Variants in ENC1 observed in about 807,000 individuals in gnomAD.
The protein encoded by ENC1 is ectoderm-neural cortex protein 1.
Under a neutral mutation model 40.9 loss-of-function variants are expected in ENC1, and 19 were observed. That is an observed-to-expected ratio of 0.46 (90% CI 0.32 to 0.68). ENC1 has a LOEUF of 0.68. Among genes scored for constraint, ENC1 ranks in the 30% least tolerant of loss-of-function variants. The pLI, the probability that ENC1 is intolerant of heterozygous loss-of-function variation, is 0.03. For missense variants in ENC1, 479 were observed against 737.5 expected, an observed-to-expected ratio of 0.65 and a Z score of 4.06; for synonymous variants, 285 against 291.1, an observed-to-expected ratio of 0.98 and a Z score of 0.21.
rs1747262917 is a variant in ENC1 at position 74,628,082 on chromosome 5, C to T, written c.*1943G>A. On this transcript the variant is annotated 3_prime_UTR_variant, in exon 3 of 3. Transcript: ENST00000302351. The stretch of plus-strand genomic sequence containing the variant: ...TGTAACTGCTACAATATAAACGACA[C>T]TGACTATGCCCACTGGGGGACAATT... 1 of 152,552 alleles carries T rather than the reference C, an allele frequency of 6.6e-6. No homozygotes were observed. The highest frequency in any genetic ancestry group is 2.4e-5 in the African/African-American group (1 of 41,456). The allele number at this position is 152,552 out of a possible 1,614,324, so 9.4% of individuals were successfully genotyped here.
rs1477447247 is a variant in ENC1 at position 74,628,848 on chromosome 5, G to A, written c.*1177C>T. On this transcript the variant is annotated 3_prime_UTR_variant, in exon 3 of 3. Coordinates refer to ENST00000302351, the MANE Select transcript of ENC1 (RefSeq NM_003633.4). ...GTAATAAATAAATAAATAAACTTTG[G>A]ACAATGCCTTTACTTGTGCCCTATA... The A allele has an allele frequency of 6.6e-6, 1 of 152,060 alleles. No homozygotes were observed. Among genetic ancestry groups the A allele is most frequent in the East Asian group, 1.9e-4 (1 of 5,194 alleles). 9.4% of individuals were successfully genotyped at this position (152,060 alleles called of 1,614,324 possible). A position where few individuals can be genotyped will look rare whatever the true frequency, so the allele number is the denominator to read the frequency against.
At chr5:74,632,750 C>G (rs1232619839) in intron 2 of ENC1, among the ~76,000 whole-genome samples, 1 of 152,174 alleles carries the variant, frequency 6.6e-6, no homozygotes, top group Non-Finnish European at 1.5e-5. Context: ...ACTTGGAAGG[C>G]TGAGGCAGGA....
Position 74,629,037 on chromosome 5 carries a change from A to G in ENC1, c.*988T>C, listed in dbSNP as rs973725150. The G allele has an allele frequency of 6.6e-6, 1 of 152,214 alleles. No homozygotes were observed. Among genetic ancestry groups the G allele is most frequent in the East Asian group, 1.9e-4 (1 of 5,190 alleles). 9.4% of individuals were successfully genotyped at this position (152,214 alleles called of 1,614,324 possible). On this transcript the variant is annotated 3_prime_UTR_variant, in exon 3 of 3. Transcript: ENST00000302351. ...GAAAGCAGCCTCCCCTTACCCTATCAGCACAACCAAACCCCATGAAATCCC... is the reference window on the plus strand; with the variant it reads ...GAAAGCAGCCTCCCCTTACCCTATCGGCACAACCAAACCCCATGAAATCCC...
In ENC1 at chr5:74,636,334, T is replaced by G. The variant is rs1747593211; in HGVS notation, c.152A>C (p.His51Pro). Residue 51 changes from histidine to proline, a missense_variant, in exon 2 of 3, where the codon CAT (histidine) becomes CCT (proline). By Grantham distance (77) the His-to-Pro change is moderately conservative (BLOSUM62 -2). Transcript: ENST00000302351. This position sits in a 1 kb window ranked among gnomAD's most constrained non-coding sequence, Gnocchi z 4.8. ...GCAAGGGAAGGTCCTATTTCCGGCA[T>G]GGAGAAGGACGTCAGTGAAGAGACG... Reference protein sequence around the residue: ...QQRLFTDVLLHAGNRTFPCHR... With the variant: ...QQRLFTDVLLPAGNRTFPCHR... 6.2e-7 allele frequency: 1 copy of G among 1,614,032 alleles called. No homozygotes were observed.
At chr5:74,632,591 C>T (rs1561191218) in intron 2 of ENC1, among the ~76,000 whole-genome samples, 2 of 152,182 alleles carry the variant, frequency 1.3e-5, no homozygotes, top group African/African-American at 4.8e-5. Flanking sequence ...CGGTGGCTCA[C>T]GCCTGTAATC....
rs1163104480 is a variant in ENC1 at position 74,636,536 on chromosome 5, C to T, written c.-13-38G>A. ...ATAATAATAAATTGAAAATGATGCT[C>T]CTGATGTTCAGAACAGCAGAACGAA... On this transcript the variant is annotated intron_variant, in intron 1 of 2. Coordinates refer to ENST00000302351, the MANE Select transcript of ENC1 (RefSeq NM_003633.4). This position sits in a 1 kb window ranked among gnomAD's most constrained non-coding sequence, Gnocchi z 4.8. 8 of 1,192,292 alleles carry T rather than the reference C, an allele frequency of 6.7e-6. No homozygotes were observed. Among genetic ancestry groups the T allele is most frequent in the African/African-American group, 3.1e-5 (2 of 64,814 alleles). The allele number at this position is 1,192,292 out of a possible 1,614,324, so 73.9% of individuals were successfully genotyped here.
At position 74,638,152 on chromosome 5, in the gene ENC1, C is replaced by T. The variant is rs150263197; in HGVS notation, c.-13-1654G>A. On this transcript the variant is annotated intron_variant, in intron 1 of 2. Coordinates refer to ENST00000302351, the MANE Select transcript of ENC1 (RefSeq NM_003633.4). ...GTTCCAGACACATAACAGCCAGTCCCAAAAGCGCAGCTGAAACTCTGTTTC... is the reference window on the plus strand; with the variant it reads ...GTTCCAGACACATAACAGCCAGTCCTAAAAGCGCAGCTGAAACTCTGTTTC... 2.8e-4 allele frequency among the ~76,000 whole-genome samples: 43 copies of T among 152,304 alleles called. No individual in the cohort carries two copies. In the East Asian group the frequency reaches 8.1e-3, roughly 29 times the overall value.
chr5:74,635,552 G>A lies in ENC1; in HGVS notation c.934C>T (p.Leu312=). Residue 312 remains leucine (L), a synonymous_variant, in exon 2 of 3, where the codon CTG becomes TTG. Transcript: ENST00000302351. The surrounding 1 kb of genome is among the most constrained non-coding windows in gnomAD (Gnocchi z 5.5). ...GQTFMCDKLY[L]VDQKAKEIIP... is the part of the protein sequence containing the mutation. ...ATTTCTTTGGCCTTCTGGTCTACCA[G>A]ATACAACTTGTCACACATGAAAGTC... 1 of 1,614,204 alleles carries A rather than the reference G, an allele frequency of 6.2e-7. No individual in the cohort carries two copies. The highest frequency in any genetic ancestry group is 8.5e-7 in the Non-Finnish European group (1 of 1,180,038).
chr5:74,630,585 C>T (rs1747358407), intron 2 of ENC1, among the ~76,000 whole-genome samples: 1 of 152,158 alleles, frequency 6.6e-6, no homozygotes, highest in South Asian at 2.1e-4. Context: ...ATGTATCAGG[C>T]CTCAACAGCC....
At chr5:74,637,674 G>A (rs1436450386) in intron 1 of ENC1, 1 of 152,148 alleles carries the variant, frequency 6.6e-6, no homozygotes, top group South Asian at 2.1e-4. Context: ...CACTAGGACT[G>A]TTCCTGTATA....
chr5:74,631,471 T>C (rs1747391148), intron 2 of ENC1, among the ~76,000 whole-genome samples: 1 of 152,158 alleles, frequency 6.6e-6, no homozygotes, highest in African/African-American at 2.4e-5. Flanking sequence ...CCCAGCACTT[T>C]AAGGCACTCC....
chr5:74,627,672 G>A lies in ENC1; in HGVS notation c.*2353C>T, dbSNP rs910640479. The A allele has an allele frequency of 3.3e-5, 5 of 152,596 alleles. No individual in the cohort carries two copies. The highest frequency in any genetic ancestry group is 2.6e-4 in the Admixed American group (4 of 15,278). 9.5% of individuals were successfully genotyped at this position (152,596 alleles called of 1,614,324 possible). A position where few individuals can be genotyped will look rare whatever the true frequency, so the allele number is the denominator to read the frequency against. On this transcript the variant is annotated 3_prime_UTR_variant, in exon 3 of 3. Coordinates refer to ENST00000302351, the MANE Select transcript of ENC1 (RefSeq NM_003633.4). The stretch of plus-strand genomic sequence containing the variant: ...GGGGCTACACAATTATACCAGAAGT[G>A]GAGGGCTGCCCTTTGTTATGTGTTT...
In ENC1 at chr5:74,634,724, G is replaced by A. The variant is rs763328707; in HGVS notation, c.1762C>T (p.Pro588Ser). The change falls in exon 2 of 3, where the codon CCT becomes TCT. Residue 588 changes from proline (P) to serine (S), a missense_variant. Physicochemically the swap from Pro to Ser is moderately conservative, Grantham distance 74. Transcript: ENST00000302351. ...TTTAGAATGTACTGCATTTAAGAAG[G>A]CAGATGTTTCCAGGTGCTGACAAAT... Reference protein sequence around the residue: ...TAFVSTWKHLPS With the variant: ...TAFVSTWKHLSS The A allele has an allele frequency of 8.1e-6, 13 of 1,605,128 alleles. No homozygotes were observed. Among genetic ancestry groups the A allele is most frequent in the Non-Finnish European group, 8.5e-7 (1 of 1,172,294 alleles).
chr5:74,635,476 G>A lies in ENC1; in HGVS notation c.1010C>T (p.Ala337Val), dbSNP rs778976207. Residue 337 changes from alanine (A) to valine (V), a missense_variant, in exon 2 of 3, where the codon GCG becomes GTG. Transcript: ENST00000302351. This position sits in a 1 kb window ranked among gnomAD's most constrained non-coding sequence, Gnocchi z 5.5. ...AGTAATGTACACTTTGCAGCCAATC[G>A]CACATGCACTAAACTCTTTTCTTGG... ...PSPRKEFSAC[A>V]IGCKVYITGG... 13 of 1,614,010 alleles carry A rather than the reference G, an allele frequency of 8.1e-6. No individual in the cohort carries two copies. The highest frequency in any genetic ancestry group is 3.3e-5 in the Admixed American group (2 of 60,000).
chr5:74,631,060 T>C (rs1449293093), intron 2 of ENC1, among the ~76,000 whole-genome samples: 1 of 151,870 alleles, frequency 6.6e-6, no homozygotes, highest in East Asian at 1.9e-4. Context: ...AAAGAATGTA[T>C]CTTATAATAA....
Position 74,629,123 on chromosome 5 carries a change from A to C in ENC1, c.*902T>G, listed in dbSNP as rs1466748870. The C allele has an allele frequency of 6.6e-6, 1 of 152,188 alleles. No individual in the cohort carries two copies. Among genetic ancestry groups the C allele is most frequent in the Non-Finnish European group, 1.5e-5 (1 of 68,038 alleles). 9.4% of individuals were successfully genotyped at this position (152,188 alleles called of 1,614,324 possible). A position where few individuals can be genotyped will look rare whatever the true frequency, so the allele number is the denominator to read the frequency against. On this transcript the variant is annotated 3_prime_UTR_variant, in exon 3 of 3. Coordinates refer to ENST00000302351, the MANE Select transcript of ENC1 (RefSeq NM_003633.4). ...ACGGTTTCTCTACCTCTAGGATGTCATTTAAATTTCCATTTTGTCATCCTT... is the reference window on the plus strand; with the variant it reads ...ACGGTTTCTCTACCTCTAGGATGTCCTTTAAATTTCCATTTTGTCATCCTT...
Position 74,634,802 on chromosome 5 carries a change from A to ATGTTGGATCGTAGCAGTCCAAAG in ENC1, c.1661_1683dup (p.Asp563TrpfsTer8). 1 of 1,614,102 alleles carries ATGTTGGATCGTAGCAGTCCAAAG rather than the reference A, an allele frequency of 6.2e-7. No individual in the cohort carries two copies. Among genetic ancestry groups the ATGTTGGATCGTAGCAGTCCAAAG allele is most frequent in the Non-Finnish European group, 8.5e-7 (1 of 1,179,934 alleles). The stretch of plus-strand genomic sequence containing the variant: ...GTGGTGATGCTGTTCCACACGTCTA[A>ATGTTGGATCGTAGCAGTCCAAAG]TGTTGGATCGTAGCAGTCCAAAGTC... On this transcript the variant is annotated frameshift_variant, in exon 2 of 3. Transcript: ENST00000302351. LOFTEE classifies it high-confidence loss of function.
rs957521870 is a variant in ENC1, at chr5:74,629,857, A to C, written c.*168T>G. ...CCCCCCTCCCTCGCCCCTTTCCTTC[A>C]TGTCCAGTTAGAGCATTTACAAGGT... On this transcript the variant is annotated 3_prime_UTR_variant, in exon 3 of 3. Transcript: ENST00000302351. 1 of 117,102 alleles carries C rather than the reference A, an allele frequency of 8.5e-6. No individual in the cohort carries two copies. The highest frequency in any genetic ancestry group is 1.6e-5 in the Non-Finnish European group (1 of 60,842). 7.3% of individuals were successfully genotyped at this position (117,102 alleles called of 1,614,324 possible).
intron 1 of ENC1, among the ~76,000 whole-genome samples, chr5:74,638,634 C>T (rs927738427): frequency 1.1e-4 from 17 of 152,190 alleles, no homozygotes; most frequent in African/African-American, 4.1e-4. Context: ...TATGGGAATG[C>T]ATCAGGTTTC....
Sources: gnomAD v4.1 joint callset for allele counts (sites outside exome capture counted in the v4.1 genomes callset) on GRCh38, gnomAD v4.1.1 for gene constraint, Gnocchi (gnomAD v3.1) non-coding constraint, MANE v1.5 for transcripts, NCBI Gene and HGNC (gene_info 2026-07-23, HGNC 2026-07-21) for gene names.